The following PAIP1 variants were observed in gnomAD, a reference collection of about 807,000 sequenced individuals.
The protein encoded by PAIP1 is polyadenylate-binding protein-interacting protein 1.
PAIP1 carries 16 observed loss-of-function variants against 61.3 expected under a neutral mutation model. The observed-to-expected ratio is 0.26, with a 90% CI of 0.18 to 0.40. PAIP1 has a LOEUF of 0.40. PAIP1 is among the 10% of genes least tolerant of loss of function. The pLI is 1.00. For missense variants in PAIP1, 416 were observed against 600.9 expected (o/e 0.69, Z 3.22); for synonymous variants, 187 against 226.2 (o/e 0.83, Z 1.56).
intron 2 of PAIP1, among the ~76,000 whole-genome samples, chr5:43,555,373 G>A (rs1386069242): frequency 6.6e-6 from 1 of 152,182 alleles, no homozygotes; most frequent in Non-Finnish European, 1.5e-5. Context: ...GGTTTATCCA[G>A]TACAACAAAT....
At chr5:43,535,116 A>C in intron 7 of PAIP1, 146 bp from the exon 8 acceptor site, 1 of 606,954 alleles carries the variant, frequency 1.6e-6, no homozygotes, top group South Asian at 2.0e-5. Flanking sequence ...ATATGACATA[A>C]ATTCATTTAA....
At chr5:43,556,417 C>G (rs1227290826) in intron 1 of PAIP1, 165 bp downstream of exon 1, 6 of 1,225,264 alleles carry the variant, frequency 4.9e-6, no homozygotes, top group African/African-American at 1.6e-5. Flanking sequence ...ACCTTCCAAA[C>G]CCGGTTCCGG....
chr5:43,547,425 T>G (rs1337235265), intron 3 of PAIP1, among the ~76,000 whole-genome samples: 1 of 152,178 alleles, frequency 6.6e-6, no homozygotes. Flanking sequence ...TTATGTAGCC[T>G]TCGTTTTCAG....
rs1747037253 is a variant in PAIP1, at chr5:43,533,751, A to T, written c.1239T>A (p.Thr413=). 6.3e-7 allele frequency: 1 copy of T among 1,590,010 alleles called. No homozygotes were observed. Among genetic ancestry groups the T allele is most frequent in the Admixed American group, 1.7e-5 (1 of 59,980 alleles). Residue 413 remains threonine (T), a synonymous_variant, in exon 9 of 11, where the codon ACT becomes ACA. Transcript: ENST00000306846. ...GAGACAACATACCTGGATCAGCTGC[A>T]GTGAAAGGAACACCATCAGATGTAT... The part of the protein sequence containing the change: ...TFYTSDGVPF[T]AADPDYQEKY...
At chr5:43,539,693 C>A (rs1249771695) in intron 4 of PAIP1, among the ~76,000 whole-genome samples, 1 of 152,132 alleles carries the variant, frequency 6.6e-6, no homozygotes, top group Non-Finnish European at 1.5e-5. Context: ...CCTGACTTGA[C>A]CCATTTGCTT....
intron 4 of PAIP1, among the ~76,000 whole-genome samples, chr5:43,540,439 T>G (rs1321629142): frequency 6.6e-6 from 1 of 152,222 alleles, no homozygotes; most frequent in African/African-American, 2.4e-5. Flanking sequence ...GATATGATTA[T>G]GTACATGCAA....
In PAIP1 at chr5:43,547,920, A is replaced by C; in HGVS notation, c.436-7T>G. ...AACCATCCTCATAGGATTCCTACGGATCAAAAATGAAAAAACAATTTTAAT... is the reference window on the plus strand; with the variant it reads ...AACCATCCTCATAGGATTCCTACGGCTCAAAAATGAAAAAACAATTTTAAT... On this transcript the variant is annotated splice_region_variant and splice_polypyrimidine_tract_variant and intron_variant, in intron 2 of 10. Coordinates refer to ENST00000306846, the MANE Select transcript of PAIP1 (RefSeq NM_006451.5). 1 of 1,589,484 alleles carries C rather than the reference A, an allele frequency of 6.3e-7. No individual in the cohort carries two copies. The highest frequency in any genetic ancestry group is 1.1e-5 in the South Asian group (1 of 88,414).
At chr5:43,529,951 G>T in intron 9 of PAIP1, 72 bp from the exon 10 acceptor site, 1 of 756,140 alleles carries the variant, frequency 1.3e-6, no homozygotes. Flanking sequence ...ACCCCTAAAT[G>T]TTTTTTAATA....
intron 3 of PAIP1, 23 bp downstream of exon 3, chr5:43,547,705 C>T (rs900680636): frequency 6.5e-7 from 1 of 1,545,870 alleles, no homozygotes; most frequent in Non-Finnish European, 8.8e-7. Context: ...CTGAAGGTCA[C>T]TGCATGCTAT....
At chr5:43,531,669 A>AAAAAAAAG (rs1746942562) in intron 9 of PAIP1, among the ~76,000 whole-genome samples, 2 of 148,100 alleles carry the variant, frequency 1.4e-5, no homozygotes, top group African/African-American at 2.4e-5. Flanking sequence ...AAAAAAAAAA[A>AAAAAAAAG]AAAAAAAAGA....
chr5:43,532,367 C>G (rs1028172032), intron 9 of PAIP1, among the ~76,000 whole-genome samples: 5 of 151,906 alleles, frequency 3.3e-5, no homozygotes, highest in African/African-American at 4.8e-5. Flanking sequence ...AGGAATAAGA[C>G]ACAATTTGAT....
upstream of PAIP1, chr5:43,557,189 T>C (rs1460179410): frequency 5.1e-6 from 1 of 197,678 alleles, no homozygotes; most frequent in Non-Finnish European, 1.0e-5. Flanking sequence ...GATCCTCCAG[T>C]TCGCGGCTGG....
chr5:43,549,726 A>G (rs1001959327), intron 2 of PAIP1, among the ~76,000 whole-genome samples: 2 of 150,950 alleles, frequency 1.3e-5, no homozygotes, highest in African/African-American at 4.9e-5. Flanking sequence ...TTTATTTTTT[A>G]TTTTTATTTT....
At chr5:43,527,550 A>AAT in intron 10 of PAIP1, 81 bp from the exon 11 acceptor site, 1 of 1,275,512 alleles carries the variant, frequency 7.8e-7, no homozygotes, top group Non-Finnish European at 1.1e-6. Flanking sequence ...AAAATAATGT[A>AAT]ATACAACTTT....
intron 3 of PAIP1, among the ~76,000 whole-genome samples, chr5:43,543,827 T>C (rs1331307186): frequency 6.6e-6 from 1 of 152,016 alleles, no homozygotes; most frequent in African/African-American, 2.4e-5. Context: ...CCATCTAATA[T>C]TAGGTAAGAA....
At position 43,555,920 on chromosome 5, in the gene PAIP1, C is replaced by T. The variant is rs1748041550; in HGVS notation, c.345G>A (p.Lys115=). The T allele has an allele frequency of 1.9e-6, 3 of 1,613,822 alleles. No individual in the cohort carries two copies. The highest frequency in any genetic ancestry group is 1.3e-5 in the African/African-American group (1 of 74,914). The change falls in exon 2 of 11, where the codon AAG becomes AAA. Residue 115 remains lysine (K), a synonymous_variant. Transcript: ENST00000306846. ...ATACAGGAGCTACAACCACCTGGGG[C>T]TTAGCCATTGCTGACTCCGAGTTCT... The part of the protein sequence containing the change: ...PQQNSESAMA[K]PQVVVAPVLM...
chr5:43,547,516 C>T (rs541726070), intron 3 of PAIP1, among the ~76,000 whole-genome samples: 2 of 152,266 alleles, frequency 1.3e-5, no homozygotes, highest in South Asian at 4.1e-4. Flanking sequence ...TGAATCTTGA[C>T]TACACATGTG....
chr5:43,557,093 C>G, upstream of PAIP1: 1 of 631,978 alleles, frequency 1.6e-6, no homozygotes, highest in East Asian at 3.8e-5. Flanking sequence ...TCCCCCAAAA[C>G]CCGGCTCCCC....
chr5:43,544,117 T>A (rs1405446987), intron 3 of PAIP1, among the ~76,000 whole-genome samples: 1 of 131,958 alleles, frequency 7.6e-6, no homozygotes, highest in Admixed American at 9.0e-5. Flanking sequence ...CACTCTAGTC[T>A]GGGTGACAAA....
Sources: gnomAD v4.1 joint callset for allele counts (sites outside exome capture counted in the v4.1 genomes callset) on GRCh38, gnomAD v4.1.1 for gene constraint, MANE v1.5 for transcripts, NCBI Gene and HGNC (gene_info 2026-07-23, HGNC 2026-07-21) for gene names.